Variants in SLAMF9 observed in about 807,000 individuals in gnomAD.
SLAMF9 encodes CD2 family member 10.
Under a neutral mutation model 30.4 loss-of-function variants are expected in SLAMF9, and 25 were observed. The observed-to-expected ratio is 0.82, with a 90% confidence interval of 0.60 to 1.15. The LOEUF is 1.15. Ranked by LOEUF, SLAMF9 falls within the 50% of genes most tolerant of loss-of-function variation. SLAMF9 has a pLI of 0.00. For synonymous variants in SLAMF9, 129 were observed against 127.2 expected (o/e 1.01, Z -0.09); for missense variants, 344 against 346.1 (o/e 0.99, Z 0.05).
upstream of SLAMF9, among the ~76,000 whole-genome samples, chr1:159,956,055 G>A (rs183216542): frequency 1.7e-3 from 261 of 152,282 alleles, 4 homozygotes; most frequent in Admixed American, 0.017. Flanking sequence ...TGCACTCCAC[G>A]CTTATTGCAG....
chr1:159,966,027 T>C, the SLAMF9 span, among the ~76,000 whole-genome samples: 2 of 152,208 alleles, frequency 1.3e-5, no homozygotes, highest in Non-Finnish European at 2.9e-5. Flanking sequence ...TTGATTACAG[T>C]CATCCTGCTG....
chr1:159,973,237 G>A, the SLAMF9 span: 1 of 1,031,632 alleles, frequency 9.7e-7, no homozygotes, highest in Non-Finnish European at 1.5e-6. Context: ...CCCTCTTAGG[G>A]CTCAGGAGTG....
At chr1:159,962,114 C>T in the SLAMF9 span, among the ~76,000 whole-genome samples, 9 of 151,334 alleles carry the variant, frequency 5.9e-5, no homozygotes, top group African/African-American at 1.2e-4. Context: ...GCCAAGATAG[C>T]GCCACTGTAC....
upstream of SLAMF9, among the ~76,000 whole-genome samples, chr1:159,958,718 G>A (rs1651981834): frequency 6.6e-6 from 1 of 152,166 alleles, no homozygotes; most frequent in African/African-American, 2.4e-5. Flanking sequence ...TCCTGCCTCA[G>A]CTACCCAAAG....
At chr1:159,965,394 T>C in the SLAMF9 span, 1 of 151,770 alleles carries the variant, frequency 6.6e-6, no homozygotes, top group African/African-American at 2.4e-5. Flanking sequence ...CACAGTCAGT[T>C]TGGGGAGTTG....
At chr1:159,976,989 G>GAAAA in the SLAMF9 span, 1 of 44,058 alleles carries the variant, frequency 2.3e-5, no homozygotes, top group South Asian at 7.4e-4. Context: ...AAGGAAAGAA[G>GAAAA]GAAAGAAAGA....
the SLAMF9 span, chr1:159,976,920 GA>G: frequency 1.6e-3 from 1 of 630 alleles, no homozygotes; most frequent in Non-Finnish European, 0.026. Context: ...AAAAAAGAAA[GA>G]AAGAAAGAAA....
chr1:159,958,672 C>T (rs750396844), upstream of SLAMF9, among the ~76,000 whole-genome samples: 27 of 151,944 alleles, frequency 1.8e-4, no homozygotes, highest in Non-Finnish European at 3.8e-4. Context: ...GCTATGTTGC[C>T]CAAGCTGGTC....
chr1:159,967,553 T>C, the SLAMF9 span, among the ~76,000 whole-genome samples: 3 of 152,248 alleles, frequency 2.0e-5, no homozygotes, highest in African/African-American at 4.8e-5. Context: ...CCAGCTTTGT[T>C]ATTTTTGCTC....
chr1:159,956,887 A>G (rs1651931789), upstream of SLAMF9, among the ~76,000 whole-genome samples: 1 of 151,936 alleles, frequency 6.6e-6, no homozygotes, highest in Non-Finnish European at 1.5e-5. Flanking sequence ...TGGGAGGCCG[A>G]GGCGGGGGGA....
At chr1:159,973,098 G>A in the SLAMF9 span, 1 of 1,512,742 alleles carries the variant, frequency 6.6e-7, no homozygotes, top group Non-Finnish European at 8.9e-7. Flanking sequence ...CTTGACTCCT[G>A]GGATGCAGAG....
chr1:159,969,316 C>T, the SLAMF9 span, among the ~76,000 whole-genome samples: 2 of 152,146 alleles, frequency 1.3e-5, no homozygotes, highest in Non-Finnish European at 2.9e-5. Flanking sequence ...CTTTCCCAAG[C>T]TCACGTGATG....
At chr1:159,969,028 C>T in the SLAMF9 span, among the ~76,000 whole-genome samples, 13 of 131,598 alleles carry the variant, frequency 9.9e-5, no homozygotes, top group South Asian at 3.0e-4. Flanking sequence ...AGTGACAAAG[C>T]GAGACTCCAT....
intron 2 of SLAMF9, 45 bp from the exon 3 acceptor site, chr1:159,952,579 CG>C (rs1651798450): frequency 6.3e-7 from 1 of 1,596,276 alleles, no homozygotes; most frequent in Non-Finnish European, 8.5e-7. Flanking sequence ...AATCAGGGAT[CG>C]GGTCTGTTTT....
At chr1:159,964,274 T>C in the SLAMF9 span, among the ~76,000 whole-genome samples, 1 of 152,106 alleles carries the variant, frequency 6.6e-6, no homozygotes, top group Non-Finnish European at 1.5e-5. Flanking sequence ...ATATCTTTTG[T>C]TTCCAATCAC....
chr1:159,981,368 T>C, the SLAMF9 span, among the ~76,000 whole-genome samples: 1 of 152,168 alleles, frequency 6.6e-6, no homozygotes, highest in Non-Finnish European at 1.5e-5. Flanking sequence ...TAACTTCTGT[T>C]GTTTAAGCCA....
In SLAMF9 at chr1:159,953,616, C is replaced by T. The variant is rs957712478; in HGVS notation, c.84G>A (p.Glu28=). Residue 28 remains glutamate (E), a synonymous_variant, in exon 2 of 4, where the codon GAG becomes GAA. Coordinates refer to ENST00000368093, the MANE Select transcript of SLAMF9 (RefSeq NM_033438.4). ...ACTCCTGAAGGACCGCAACCACTTC[C>T]TCGGATCCACACCATCTCCAGAGTC... is the stretch of plus-strand genomic sequence containing the variant. ...QRRLWRWCGS[E]EVVAVLQESI... 4.3e-6 allele frequency: 7 copies of T among 1,611,954 alleles called. No individual in the cohort carries two copies. The highest frequency in any genetic ancestry group is 1.7e-4 in the Middle Eastern group (1 of 5,972).
the SLAMF9 span, among the ~76,000 whole-genome samples, chr1:159,961,766 T>G: frequency 2.0e-5 from 3 of 151,964 alleles, no homozygotes; most frequent in Admixed American, 2.0e-4. Context: ...GGCCGAGAGA[T>G]GGAGGCAGAG....
At position 159,951,545 on chromosome 1, in the gene SLAMF9, G is replaced by T; in HGVS notation, c.*116C>A. Reference sequence around the variant, plus strand: ...CAGCCAGTCTTCCCTCAGAAGTATGGCTCTCTGGATACCCACCCCTGAGCA... The same window carrying T: ...CAGCCAGTCTTCCCTCAGAAGTATGTCTCTCTGGATACCCACCCCTGAGCA... On this transcript the variant is annotated 3_prime_UTR_variant, in exon 4 of 4. Transcript: ENST00000368093. 1 of 902,456 alleles carries T rather than the reference G, an allele frequency of 1.1e-6. No individual in the cohort carries two copies. Among genetic ancestry groups the T allele is most frequent in the Non-Finnish European group, 1.7e-6 (1 of 585,616 alleles). The allele number at this position is 902,456 out of a possible 1,614,324, so 55.9% of individuals were successfully genotyped here.
Sources: allele counts gnomAD v4.1 joint callset (sites outside exome capture counted in the v4.1 genomes callset), GRCh38; gene constraint gnomAD v4.1.1; transcripts MANE v1.5; gene names NCBI Gene and HGNC (gene_info 2026-07-23, HGNC 2026-07-21).